NTRK3: variants seen among roughly 807,000 people sequenced by gnomAD.
NTRK3 encodes neurotrophic receptor tyrosine kinase 3.
A neutral mutation model predicts 91.7 loss-of-function variants in NTRK3; 24 were observed. The ratio of observed to expected loss-of-function variants is 0.26; its 90% CI spans 0.19 to 0.37. The LOEUF (loss-of-function observed/expected upper bound fraction) is 0.37. Ranked by LOEUF, NTRK3 falls within the 10% of genes least tolerant of loss-of-function variation. The pLI is 1.00. For synonymous variants in NTRK3, 483 were observed against 404.0 expected, an observed-to-expected ratio of 1.20 and a Z score of -2.34; for missense variants, 880 against 1,068.9, an observed-to-expected ratio of 0.82 and a Z score of 2.46.
In NTRK3 at chr15:88,153,882, T is replaced by G. The variant is rs2043633545; in HGVS notation, c.396-6479A>C. 3.9e-5 allele frequency among the ~76,000 whole-genome samples: 6 copies of G among 151,972 alleles called. No homozygotes were observed. In the South Asian group the frequency reaches 1.3e-3, roughly 32 times the overall value. On this transcript the variant is annotated intron_variant, in intron 5 of 18. Transcript: ENST00000394480. ...AAGGCCCTGCCTCCTAATACCATCATCTGGAAGGGGAGGACTTCGATATAC... is the reference window on the plus strand; with the variant it reads ...AAGGCCCTGCCTCCTAATACCATCAGCTGGAAGGGGAGGACTTCGATATAC...
chr15:88,131,005 T>G (rs573453240), intron 10 of NTRK3, among the ~76,000 whole-genome samples: 1 of 152,352 alleles, frequency 6.6e-6, no homozygotes, highest in Admixed American at 6.5e-5. Context: ...TTTGTAACTT[T>G]TTAAAATATG....
chr15:87,916,662 T>C (rs886623485), intron 17 of NTRK3: 13 of 690,026 alleles, frequency 1.9e-5, no homozygotes, highest in Admixed American at 1.0e-4. Context: ...GTTATTATTT[T>C]TTGGCAGGAT....
chr15:88,117,677 C>T (rs2052249153), intron 13 of NTRK3, among the ~76,000 whole-genome samples: 1 of 152,184 alleles, frequency 6.6e-6, no homozygotes. Context: ...AATTAGGTAG[C>T]CGATCCCATT....
intron 14 of NTRK3, among the ~76,000 whole-genome samples, chr15:88,025,702 C>G (rs907384133): frequency 6.6e-6 from 1 of 152,136 alleles, no homozygotes; most frequent in Non-Finnish European, 1.5e-5. Flanking sequence ...GACTTTGGGC[C>G]TCCAGAGCTG....
At chr15:88,130,984 C>A (rs769522148) in intron 10 of NTRK3, among the ~76,000 whole-genome samples, 1 of 152,150 alleles carries the variant, frequency 6.6e-6, no homozygotes, top group Non-Finnish European at 1.5e-5. Context: ...GAAGGAAGTG[C>A]CTTGTATGAT....
At chr15:88,108,823 G>A (rs2050997503) in intron 13 of NTRK3, among the ~76,000 whole-genome samples, 1 of 152,160 alleles carries the variant, frequency 6.6e-6, no homozygotes, top group Non-Finnish European at 1.5e-5. Context: ...CAGAAATGCA[G>A]AACCTCAGGC....
chr15:88,149,799 T>C (rs974799425), intron 5 of NTRK3, among the ~76,000 whole-genome samples: 1 of 152,222 alleles, frequency 6.6e-6, no homozygotes, highest in Non-Finnish European at 1.5e-5. Flanking sequence ...GACAACAGGA[T>C]TTGGTACTGC....
intron 14 of NTRK3, among the ~76,000 whole-genome samples, chr15:87,982,468 CTCTG>C (rs146605644): frequency 0.03 from 4,537 of 152,300 alleles, 239 homozygotes; most frequent in African/African-American, 0.1. Context: ...TGACCTTTTC[CTCTG>C]TCTGTCAACA....
At chr15:87,916,819 T>C (rs1567104218) in intron 17 of NTRK3, among the ~76,000 whole-genome samples, 1 of 151,048 alleles carries the variant, frequency 6.6e-6, no homozygotes, top group Non-Finnish European at 1.5e-5. Context: ...TGGAGTGCGG[T>C]GGTGTGATCT....
intron 14 of NTRK3, among the ~76,000 whole-genome samples, chr15:87,956,963 T>A (rs993370950): frequency 3.3e-5 from 5 of 152,176 alleles, no homozygotes; most frequent in Non-Finnish European, 5.9e-5. Flanking sequence ...CTCAGGGCCG[T>A]GACTAAGACA....
At chr15:87,997,482 C>T (rs2075789575) in intron 14 of NTRK3, among the ~76,000 whole-genome samples, 1 of 152,062 alleles carries the variant, frequency 6.6e-6, no homozygotes, top group African/African-American at 2.4e-5. Context: ...GCTTGTTATT[C>T]CACTAAATTG....
chr15:88,057,636 GACT>G (rs1473024967), intron 13 of NTRK3, among the ~76,000 whole-genome samples: 14 of 152,208 alleles, frequency 9.2e-5, no homozygotes, highest in African/African-American at 3.4e-4. Context: ...CATTGCTATT[GACT>G]ACAACCTCAG....
exon 9 of NTRK3, chr15:88,135,998 G>T (rs2041840806): frequency 6.2e-7 from 1 of 1,614,118 alleles, no homozygotes; most frequent in African/African-American, 1.3e-5. Context: ...ACATTCACCA[G>T]CGTCAAGTTG....
At chr15:88,003,489 C>A (rs1282917712) in intron 14 of NTRK3, among the ~76,000 whole-genome samples, 1 of 152,140 alleles carries the variant, frequency 6.6e-6, no homozygotes, top group Non-Finnish European at 1.5e-5. Context: ...AAGTAGGTAA[C>A]ATATTGGTCT....
At chr15:88,181,161 C>A (rs1238551152) in intron 5 of NTRK3, among the ~76,000 whole-genome samples, 2 of 152,158 alleles carry the variant, frequency 1.3e-5, no homozygotes, top group African/African-American at 4.8e-5. Context: ...TAGCCAATAA[C>A]AAGTACTTTG....
At chr15:88,183,723 A>G (rs1408670606) in intron 4 of NTRK3, among the ~76,000 whole-genome samples, 2 of 152,178 alleles carry the variant, frequency 1.3e-5, no homozygotes, top group Non-Finnish European at 2.9e-5. Flanking sequence ...TCATACTGGC[A>G]GCTGCCCTCC....
chr15:88,071,431 C>T (rs561077652), intron 13 of NTRK3, among the ~76,000 whole-genome samples: 36 of 152,338 alleles, frequency 2.4e-4, no homozygotes, highest in South Asian at 2.1e-4. Flanking sequence ...TTGGCCAAGG[C>T]CAGAATACCA....
intron 13 of NTRK3, among the ~76,000 whole-genome samples, chr15:88,099,922 A>G (rs989010609): frequency 1.3e-5 from 2 of 152,210 alleles, no homozygotes; most frequent in Non-Finnish European, 2.9e-5. Context: ...GGAGGGGGAC[A>G]TGGAGTTGAC....
chr15:88,160,727 G>A (rs1341750221), intron 5 of NTRK3, among the ~76,000 whole-genome samples: 1 of 152,208 alleles, frequency 6.6e-6, no homozygotes. Flanking sequence ...AAGTCAATGG[G>A]CAACTGACAG....
Sources: gnomAD v4.1 joint callset for allele counts (sites outside exome capture counted in the v4.1 genomes callset) on GRCh38, gnomAD v4.1.1 for gene constraint, MANE v1.5 for transcripts, NCBI Gene and HGNC (gene_info 2026-07-23, HGNC 2026-07-21) for gene names.